The following SMIM41 variants were observed in gnomAD, a reference collection of about 807,000 sequenced individuals.
SMIM41 encodes small integral membrane protein 41.
In SMIM41 at chr12:52,080,194, G is replaced by GT. The variant is rs1394739449; in HGVS notation, c.*120+14dup. 9 of 317,046 alleles carry GT rather than the reference G, an allele frequency of 2.8e-5. No homozygotes were observed. The highest frequency in any genetic ancestry group is 5.0e-5 in the Admixed American group (1 of 19,978). The allele number at this position is 317,046 out of a possible 1,614,324, so 19.6% of individuals were successfully genotyped here. A position where few individuals can be genotyped will look rare whatever the true frequency, so the allele number is the denominator to read the frequency against. On this transcript the variant is annotated intron_variant, in intron 1 of 2. Transcript: ENST00000546390. ...GCGCCCCACACAGGTGAGAGGGAGGGTAGCAGGAGTGTGGGCGCGGGGGTT... is the reference window on the plus strand; with the variant it reads ...GCGCCCCACACAGGTGAGAGGGAGGGTTAGCAGGAGTGTGGGCGCGGGGGTT...
intron 2 of SMIM41, among the ~76,000 whole-genome samples, chr12:52,089,101 G>A (rs761965358): frequency 1.3e-5 from 2 of 152,020 alleles, no homozygotes; most frequent in Non-Finnish European, 2.9e-5. Context: ...CCCCTGTGCT[G>A]CCTGCTTTCT....
chr12:52,097,744 C>A (rs1174664219), intron 2 of SMIM41, among the ~76,000 whole-genome samples: 1 of 151,948 alleles, frequency 6.6e-6, no homozygotes, highest in Non-Finnish European at 1.5e-5. Context: ...AAGAACAATA[C>A]CAAAGCGGGG....
At chr12:52,097,443 G>A (rs1940120115) in intron 2 of SMIM41, among the ~76,000 whole-genome samples, 1 of 151,740 alleles carries the variant, frequency 6.6e-6, no homozygotes, top group Admixed American at 6.6e-5. Flanking sequence ...TGGATAGCAC[G>A]AGCCACATCG....
At chr12:52,084,210 C>T (rs1939858738) in intron 2 of SMIM41, among the ~76,000 whole-genome samples, 1 of 151,976 alleles carries the variant, frequency 6.6e-6, no homozygotes. Context: ...CCCGTCTCTA[C>T]TAAAAATACA....
At chr12:52,082,387 A>G (rs1262537797) in intron 1 of SMIM41, among the ~76,000 whole-genome samples, 1 of 151,584 alleles carries the variant, frequency 6.6e-6, no homozygotes, top group Admixed American at 6.6e-5. Context: ...TCTTCATCCA[A>G]CTTCCTCCCG....
At chr12:52,085,042 G>C (rs575563496) in intron 2 of SMIM41, among the ~76,000 whole-genome samples, 9 of 152,138 alleles carry the variant, frequency 5.9e-5, no homozygotes, top group Admixed American at 1.3e-4. Context: ...CTGTGTGTGC[G>C]GTGGTGCCAC....
intron 2 of SMIM41, among the ~76,000 whole-genome samples, chr12:52,098,620 A>T (rs1940149142): frequency 6.6e-6 from 1 of 151,400 alleles, no homozygotes; most frequent in African/African-American, 2.4e-5. Context: ...ATTTGCTGTC[A>T]TCTAATTGTC....
At chr12:52,093,191 T>G (rs1048498614) in intron 2 of SMIM41, among the ~76,000 whole-genome samples, 9 of 152,008 alleles carry the variant, frequency 5.9e-5, no homozygotes, top group Admixed American at 3.9e-4. Context: ...AGCGAGACCC[T>G]GTCTCAACAA....
At chr12:52,092,998 G>A (rs535935029) in intron 2 of SMIM41, among the ~76,000 whole-genome samples, 17 of 152,074 alleles carry the variant, frequency 1.1e-4, no homozygotes, top group African/African-American at 4.1e-4. Context: ...TGGCTAACAC[G>A]GTGAAACCCC....
intron 2 of SMIM41, among the ~76,000 whole-genome samples, 190 bp downstream of exon 2, chr12:52,084,158 G>A (rs1204881314): frequency 6.6e-6 from 1 of 152,040 alleles, no homozygotes; most frequent in African/African-American, 2.4e-5. Context: ...GGTGGATCAC[G>A]AGGTCAGGAG....
chr12:52,107,162 A>G (rs1940357738), intron 2 of SMIM41: 1 of 355,340 alleles, frequency 2.8e-6, no homozygotes, highest in Non-Finnish European at 5.5e-6. Flanking sequence ...GCATTATAAG[A>G]CAATTCATTT....
intron 2 of SMIM41, among the ~76,000 whole-genome samples, chr12:52,097,501 G>A (rs1387805136): frequency 2.6e-5 from 4 of 152,022 alleles, no homozygotes; most frequent in Admixed American, 2.0e-4. Flanking sequence ...TATCAACCCC[G>A]GTCCCTCCCT....
chr12:52,104,883 T>C (rs551347601), intron 2 of SMIM41, among the ~76,000 whole-genome samples: 82 of 152,302 alleles, frequency 5.4e-4, no homozygotes, highest in African/African-American at 1.9e-3. Flanking sequence ...GAGGGCTTCC[T>C]AAAGGCCAGG....
At chr12:52,104,677 G>T (rs893777738) in intron 2 of SMIM41, among the ~76,000 whole-genome samples, 2 of 151,824 alleles carry the variant, frequency 1.3e-5, no homozygotes, top group Admixed American at 6.6e-5. Flanking sequence ...TATGGTCGGG[G>T]GGGGGCGGTC....
chr12:52,104,063 T>G (rs1223992004), intron 2 of SMIM41: 2 of 151,882 alleles, frequency 1.3e-5, no homozygotes, highest in Non-Finnish European at 2.9e-5. Context: ...TTTATAATTT[T>G]TAATATTTAT....
rs1215410692 is a variant in SMIM41, at chr12:52,107,901, C to T, written c.*718C>T. 4 of 293,648 alleles carry T rather than the reference C, an allele frequency of 1.4e-5. No homozygotes were observed. The highest frequency in any genetic ancestry group is 6.6e-5 in the South Asian group (2 of 30,456). 18.2% of individuals were successfully genotyped at this position (293,648 alleles called of 1,614,324 possible). A position where few individuals can be genotyped will look rare whatever the true frequency, so the allele number is the denominator to read the frequency against. On this transcript the variant is annotated 3_prime_UTR_variant, in exon 3 of 3. Coordinates refer to ENST00000546390, the MANE Select transcript of SMIM41 (RefSeq NM_001369216.1). ...ACCTTTCTCAACTCCCCCATCTTGC[C>T]GTTGTGACACCTTCATCAATAACAT...
intron 1 of SMIM41, among the ~76,000 whole-genome samples, chr12:52,083,016 G>C (rs113622624): frequency 0.024 from 3,584 of 152,288 alleles, 62 homozygotes; most frequent in South Asian, 0.073. Flanking sequence ...GCACCCAGCT[G>C]CTGCCTCTGA....
At position 52,100,109 on chromosome 12, in the gene SMIM41, A is replaced by T. The variant is rs574272180; in HGVS notation, c.*196-7270A>T. The stretch of plus-strand genomic sequence containing the variant: ...TCCCCCCCCGGATATTGGGAAAAAT[A>T]TCAAGCGCGGGTATACATTTCCTAC... On this transcript the variant is annotated intron_variant, in intron 2 of 2. Transcript: ENST00000546390. 3.1e-5 allele frequency among the ~76,000 whole-genome samples: 4 copies of T among 128,574 alleles called. No individual in the cohort carries two copies. The Admixed American group carries it at 3.6e-4, about 12-fold the overall frequency. The allele number at this position is 128,574 out of a possible 152,430, so 84.3% of individuals were successfully genotyped here.
chr12:52,097,575 C>G (rs1299751702), intron 2 of SMIM41, among the ~76,000 whole-genome samples: 1 of 152,092 alleles, frequency 6.6e-6, no homozygotes, highest in Non-Finnish European at 1.5e-5. Context: ...ATCATCTTTT[C>G]TATTGAACCT....
Sources: gnomAD v4.1 joint callset for allele counts (sites outside exome capture counted in the v4.1 genomes callset) on GRCh38, gnomAD v4.1.1 for gene constraint, MANE v1.5 for transcripts, NCBI Gene and HGNC (gene_info 2026-07-23, HGNC 2026-07-21) for gene names.